The following ASB18 variants were observed in gnomAD, a reference collection of about 807,000 sequenced individuals.
The protein encoded by ASB18 is ankyrin repeat and SOCS box containing 18.
ASB18 carries 33 observed loss-of-function variants against 33.4 expected under a neutral mutation model. The observed-to-expected ratio is 0.99, with a 90% confidence interval of 0.75 to 1.32. The LOEUF is 1.32. Among genes scored for constraint, ASB18 ranks in the 40% most tolerant of loss-of-function variants. ASB18 has a pLI of 0.00. For missense variants in ASB18, 694 were observed against 655.5 expected (o/e 1.06, Z -0.64); for synonymous variants, 295 against 307.6 (o/e 0.96, Z 0.43).
In ASB18 at chr2:236,195,135, T is replaced by C; in HGVS notation, c.1216-78A>G. ...GTTTTCTTCTTAGCCAGACCACTGA[T>C]GGTACAAGCGGGCTTTTCTATGGCT... On this transcript the variant is annotated intron_variant, in intron 5 of 5. Coordinates refer to ENST00000409749, the MANE Select transcript of ASB18 (RefSeq NM_212556.4). This position sits in a 1 kb window ranked among gnomAD's most constrained non-coding sequence, Gnocchi z 5.5. The C allele has an allele frequency of 7.3e-7, 1 of 1,369,756 alleles. No individual in the cohort carries two copies. The highest frequency in any genetic ancestry group is 1.0e-6 in the Non-Finnish European group (1 of 998,404). The allele number at this position is 1,369,756 out of a possible 1,614,324, so 84.9% of individuals were successfully genotyped here. A position where few individuals can be genotyped will look rare whatever the true frequency, so the allele number is the denominator to read the frequency against.
At position 236,214,493 on chromosome 2, in the gene ASB18, A is replaced by G. The variant is rs2060475586; in HGVS notation, c.970T>C (p.Tyr324His). 1.0e-5 allele frequency: 15 copies of G among 1,503,374 alleles called. No homozygotes were observed. Among genetic ancestry groups the G allele is most frequent in the Non-Finnish European group, 1.3e-5 (15 of 1,134,876 alleles). 93.1% of individuals were successfully genotyped at this position (1,503,374 alleles called of 1,614,324 possible). The change falls in exon 4 of 6, where the codon TAT becomes CAT. Residue 324 changes from tyrosine to histidine, a missense_variant. Coordinates refer to ENST00000409749, the MANE Select transcript of ASB18 (RefSeq NM_212556.4). This position sits in a 1 kb window ranked among gnomAD's most constrained non-coding sequence, Gnocchi z 6.5. ...RHGADAGALD[Y>H]GGASPLGRVL... is the part of the protein sequence containing the mutation. The stretch of plus-strand genomic sequence containing the variant: ...CGGCCCAGCGGCGAGGCCCCGCCAT[A>G]GTCGAGCGCGCCCGCGTCGGCGCCG...
In ASB18 at chr2:236,252,038, A is replaced by G. The variant is rs2106284591; in HGVS notation, c.206-10636T>C. Among the ~76,000 whole-genome samples, 1 of 152,300 alleles carries G rather than the reference A, an allele frequency of 6.6e-6. No homozygotes were observed. The highest frequency in any genetic ancestry group is 6.5e-5 in the Admixed American group (1 of 15,296). ...GTAATCCCAGCACTTTGGGAGGCTG[A>G]GGCAGGTGAATCACCTGAGGTCAGG... On this transcript the variant is annotated intron_variant, in intron 1 of 5. Transcript: ENST00000409749. This position sits in a 1 kb window ranked among gnomAD's most constrained non-coding sequence, Gnocchi z 7.9.
Position 236,257,523 on chromosome 2 carries a change from T to G in ASB18, c.205+6618A>C, listed in dbSNP as rs1226425726. On this transcript the variant is annotated intron_variant, in intron 1 of 5. Transcript: ENST00000409749. This position sits in a 1 kb window ranked among gnomAD's most constrained non-coding sequence, Gnocchi z 5.5. ...AGGGACTCTATCTACTGAGATTGTGTGCACGTGTGCATGACTGTGTGTGTG... is the reference window on the plus strand; with the variant it reads ...AGGGACTCTATCTACTGAGATTGTGGGCACGTGTGCATGACTGTGTGTGTG... Among the ~76,000 whole-genome samples, 3 of 152,222 alleles carry G rather than the reference T, an allele frequency of 2.0e-5. No individual in the cohort carries two copies. Among genetic ancestry groups the G allele is most frequent in the Non-Finnish European group, 2.9e-5 (2 of 68,042 alleles).
chr2:236,253,515 T>A lies in ASB18; in HGVS notation c.205+10626A>T, dbSNP rs1274415400. On this transcript the variant is annotated intron_variant, in intron 1 of 5. Transcript: ENST00000409749. This position sits in a 1 kb window ranked among gnomAD's most constrained non-coding sequence, Gnocchi z 5.4. ...CCTCAGTCTCCTGAGTCGCTGGGAC[T>A]ACAGCCACTTGCTGGTTAACTTATT... Among the ~76,000 whole-genome samples, 1 of 149,558 alleles carries A rather than the reference T, an allele frequency of 6.7e-6. No individual in the cohort carries two copies.
At chr2:236,218,908 C>T (rs1281276320) in intron 3 of ASB18, among the ~76,000 whole-genome samples, 2 of 150,734 alleles carry the variant, frequency 1.3e-5, no homozygotes, top group Non-Finnish European at 2.9e-5. Flanking sequence ...CTTGCTCTAT[C>T]ATCTAGCCTG....
chr2:236,238,609 G>GT lies in ASB18; in HGVS notation c.329-654_329-653insA, dbSNP rs2060607355. 1.7e-5 allele frequency among the ~76,000 whole-genome samples: 1 copy of GT among 58,204 alleles called. No homozygotes were observed. The highest frequency in any genetic ancestry group is 3.3e-5 in the Non-Finnish European group (1 of 30,526). The allele number at this position is 58,204 out of a possible 152,430, so 38.2% of individuals were successfully genotyped here. On this transcript the variant is annotated intron_variant, in intron 2 of 5. Coordinates refer to ENST00000409749, the MANE Select transcript of ASB18 (RefSeq NM_212556.4). This position sits in a 1 kb window ranked among gnomAD's most constrained non-coding sequence, Gnocchi z 5.2. ...TGGTTTGTTTCTTTGCGCTTTTTAGGGGTGTGTGTGTGTGTGTGTGTAGGG... is the reference window on the plus strand; with the variant it reads ...TGGTTTGTTTCTTTGCGCTTTTTAGGTGGTGTGTGTGTGTGTGTGTGTAGGG...
At chr2:236,232,599 G>A (rs995864550) in intron 3 of ASB18, among the ~76,000 whole-genome samples, 1 of 152,048 alleles carries the variant, frequency 6.6e-6, no homozygotes, top group Admixed American at 6.5e-5. Flanking sequence ...ATGAATGAGA[G>A]AGGTGATATC....
At chr2:236,254,347 GCTCT>G (rs942944154) in intron 1 of ASB18, among the ~76,000 whole-genome samples, 10 of 151,908 alleles carry the variant, frequency 6.6e-5, no homozygotes, top group South Asian at 4.2e-4. Flanking sequence ...CATGGAATCT[GCTCT>G]CTATTCTCAG....
At chr2:236,232,734 C>CA (rs1265713153) in intron 3 of ASB18, among the ~76,000 whole-genome samples, 1,949 of 149,474 alleles carry the variant, frequency 0.013, 30 homozygotes, top group African/African-American at 0.038. Flanking sequence ...AAAGCTCACT[C>CA]AAAAAAAAAG....
chr2:236,205,837 C>T lies in ASB18; in HGVS notation c.1101+8525G>A, dbSNP rs1002008553. On this transcript the variant is annotated intron_variant, in intron 4 of 5. Coordinates refer to ENST00000409749, the MANE Select transcript of ASB18 (RefSeq NM_212556.4). The surrounding 1 kb of genome is among the most constrained non-coding windows in gnomAD (Gnocchi z 5.4). ...CTTTCAAAATCGGTGGATGATATTT[C>T]ATTGTCTTATGTTACTATTACAGCA... Among the ~76,000 whole-genome samples, 2 of 152,182 alleles carry T rather than the reference C, an allele frequency of 1.3e-5. No homozygotes were observed. The highest frequency in any genetic ancestry group is 4.8e-5 in the African/African-American group (2 of 41,448).
chr2:236,249,736 C>A lies in ASB18; in HGVS notation c.206-8334G>T, dbSNP rs1027183235. On this transcript the variant is annotated intron_variant, in intron 1 of 5. Coordinates refer to ENST00000409749, the MANE Select transcript of ASB18 (RefSeq NM_212556.4). The surrounding 1 kb of genome is among the most constrained non-coding windows in gnomAD (Gnocchi z 4.6). ...GCAGAATACTAAACAAATGTAATTTCTGTGGTCTTTTGCTGCAGACCATGA... is the reference window on the plus strand; with the variant it reads ...GCAGAATACTAAACAAATGTAATTTATGTGGTCTTTTGCTGCAGACCATGA... The A allele has an allele frequency of 6.6e-6, 1 of 152,066 alleles. No individual in the cohort carries two copies. Among genetic ancestry groups the A allele is most frequent in the Admixed American group, 6.6e-5 (1 of 15,262 alleles). The allele number at this position is 152,066 out of a possible 1,614,324, so 9.4% of individuals were successfully genotyped here. A position where few individuals can be genotyped will look rare whatever the true frequency, so the allele number is the denominator to read the frequency against.
chr2:236,236,339 A>C (rs1365150187), intron 3 of ASB18, among the ~76,000 whole-genome samples: 1 of 152,176 alleles, frequency 6.6e-6, no homozygotes, highest in Non-Finnish European at 1.5e-5. Flanking sequence ...TAAGCCAAGT[A>C]ATAGAAAGCA....
rs140256911 is a variant in ASB18 at position 236,241,284 on chromosome 2, T to C, written c.324A>G (p.Leu108=). 476 of 1,613,878 alleles carry C rather than the reference T, an allele frequency of 2.9e-4. 1 individual carries two copies. The African/African-American group carries it at 4.6e-3, about 16-fold the overall frequency. The change falls in exon 2 of 6, where the codon CTA becomes CTG. Residue 108 remains leucine, a synonymous_variant. Coordinates refer to ENST00000409749, the MANE Select transcript of ASB18 (RefSeq NM_212556.4). This position sits in a 1 kb window ranked among gnomAD's most constrained non-coding sequence, Gnocchi z 4.2. ...AGCTTTAAAGAACAAGGGTACCTGA[T>C]AGTCCAAACGTGGCTGGAGATTTCA... ...WQVKSPATFG[L]SGLWTLEYKR...
chr2:236,243,332 A>G (rs79189416), intron 1 of ASB18, among the ~76,000 whole-genome samples: 1 of 150,782 alleles, frequency 6.6e-6, no homozygotes, highest in East Asian at 1.9e-4. Flanking sequence ...TCCATCTCAA[A>G]AAAAAAAAAA....
rs2060486333 is a variant in ASB18, at chr2:236,216,068, C to T, written c.597-1202G>A. Among the ~76,000 whole-genome samples, 1 of 152,128 alleles carries T rather than the reference C, an allele frequency of 6.6e-6. No individual in the cohort carries two copies. The highest frequency in any genetic ancestry group is 1.5e-5 in the Non-Finnish European group (1 of 68,032). On this transcript the variant is annotated intron_variant, in intron 3 of 5. Coordinates refer to ENST00000409749, the MANE Select transcript of ASB18 (RefSeq NM_212556.4). The surrounding 1 kb of genome is among the most constrained non-coding windows in gnomAD (Gnocchi z 6.1). ...TCCCTTGAATGGAGGGGACCATGGCCATCCCCTACTCAAATGGCCGAATCT... is the reference window on the plus strand; with the variant it reads ...TCCCTTGAATGGAGGGGACCATGGCTATCCCCTACTCAAATGGCCGAATCT...
rs1040745248 is a variant in ASB18 at position 236,244,058 on chromosome 2, C to T, written c.206-2656G>A. On this transcript the variant is annotated intron_variant, in intron 1 of 5. Transcript: ENST00000409749. The surrounding 1 kb of genome is among the most constrained non-coding windows in gnomAD (Gnocchi z 6.1). ...GCTAGGCTGGTCTCAAACTCCTGAC[C>T]TCAGGTGATCTGCCCACTTCGGCCT... Among the ~76,000 whole-genome samples the T allele has an allele frequency of 2.5e-4, 38 of 152,312 alleles. No homozygotes were observed. The highest frequency in any genetic ancestry group is 9.1e-4 in the African/African-American group (38 of 41,574).
Position 236,202,812 on chromosome 2 carries a change from T to TACAC in ASB18, c.1102-6428_1102-6427insGTGT, listed in dbSNP as rs1317612265. On this transcript the variant is annotated intron_variant, in intron 4 of 5. Transcript: ENST00000409749. ...AAAAAAAAATATATATATATATATA[T>TACAC]ATACACACACCTATAGTTCTCTAAA... Among the ~76,000 whole-genome samples the TACAC allele has an allele frequency of 1.7e-3, 198 of 119,880 alleles. 4 individuals are homozygous for TACAC. The highest frequency in any genetic ancestry group is 5.5e-3 in the African/African-American group (174 of 31,878). The allele number at this position is 119,880 out of a possible 152,430, so 78.6% of individuals were successfully genotyped here.
At position 236,214,965 on chromosome 2, in the gene ASB18, G is replaced by A; in HGVS notation, c.597-99C>T. Reference sequence around the variant, plus strand: ...GCAAAATATCAAGTGACCTCTGAATGAAAAGACATGCTCCGCTCTCCCATA... The same window carrying A: ...GCAAAATATCAAGTGACCTCTGAATAAAAAGACATGCTCCGCTCTCCCATA... On this transcript the variant is annotated intron_variant, in intron 3 of 5. Coordinates refer to ENST00000409749, the MANE Select transcript of ASB18 (RefSeq NM_212556.4). The surrounding 1 kb of genome is among the most constrained non-coding windows in gnomAD (Gnocchi z 6.5). 1 of 871,960 alleles carries A rather than the reference G, an allele frequency of 1.1e-6. No homozygotes were observed. Among genetic ancestry groups the A allele is most frequent in the Non-Finnish European group, 1.4e-6 (1 of 695,678 alleles). 54.0% of individuals were successfully genotyped at this position (871,960 alleles called of 1,614,324 possible). A position where few individuals can be genotyped will look rare whatever the true frequency, so the allele number is the denominator to read the frequency against.
intron 3 of ASB18, among the ~76,000 whole-genome samples, chr2:236,233,150 T>C (rs1261654710): frequency 5.9e-5 from 9 of 152,158 alleles, no homozygotes; most frequent in Non-Finnish European, 1.0e-4. Flanking sequence ...TGAAAATTAA[T>C]CAATATAAAT....
Sources: allele counts gnomAD v4.1 joint callset (sites outside exome capture counted in the v4.1 genomes callset), GRCh38; gene constraint gnomAD v4.1.1; non-coding constraint Gnocchi (gnomAD v3.1); transcripts MANE v1.5; gene names NCBI Gene and HGNC (gene_info 2026-07-23, HGNC 2026-07-21).